Variants in RPS26 observed in about 807,000 individuals in gnomAD.
The protein encoded by RPS26 is small ribosomal subunit protein eS26.
In RPS26, 1 loss-of-function variant was observed where a neutral mutation model predicts 14.7. That is an observed-to-expected ratio of 0.07 (90% confidence interval 0.02 to 0.32). The LOEUF is 0.32. RPS26 is among the 10% of genes least tolerant of loss of function. The pLI is 1.00. For synonymous variants in RPS26, 59 were observed against 53.1 expected, an observed-to-expected ratio of 1.11 and a Z score of -0.48; for missense variants, 63 against 157.7, an observed-to-expected ratio of 0.40 and a Z score of 3.22.
chr12:56,044,059 G>A (rs1895930441), intron 3 of RPS26, 60 bp from the exon 4 acceptor site: 8 of 1,430,970 alleles, frequency 5.6e-6, no homozygotes, highest in African/African-American at 1.4e-5. Context: ...AAGTTCTTTG[G>A]GGGAAGGGAG....
At chr12:56,042,681 T>C in intron 2 of RPS26, 79 bp downstream of exon 2, 1 of 1,240,676 alleles carries the variant, frequency 8.1e-7, no homozygotes, top group South Asian at 1.2e-5. Flanking sequence ...TTTTGGAGGC[T>C]CTGTTCTTTG....
chr12:56,043,701 C>T (rs987183343), intron 3 of RPS26, among the ~76,000 whole-genome samples: 1 of 152,006 alleles, frequency 6.6e-6, no homozygotes, highest in Admixed American at 6.6e-5. Context: ...AGTCTGGCTG[C>T]TCGAGAGGCT....
Position 56,044,526 on chromosome 12 carries a change from T to C in RPS26, c.*372T>C, listed in dbSNP as rs779970338. The stretch of plus-strand genomic sequence containing the variant: ...GCCTGGTTAATTTTTGTATTTTTGG[T>C]AGAGATGGGGTTTCACTATGTTGTC... On this transcript the variant is annotated 3_prime_UTR_variant, in exon 4 of 4. Coordinates refer to ENST00000646449, the MANE Select transcript of RPS26 (RefSeq NM_001029.5). The C allele has an allele frequency of 8.2e-6, 2 of 245,164 alleles. No homozygotes were observed. The highest frequency in any genetic ancestry group is 1.6e-5 in the Non-Finnish European group (2 of 125,458). 15.2% of individuals were successfully genotyped at this position (245,164 alleles called of 1,614,324 possible). A position where few individuals can be genotyped will look rare whatever the true frequency, so the allele number is the denominator to read the frequency against.
chr12:56,042,141 T>A lies in RPS26; in HGVS notation c.-26T>A. 1 of 1,613,870 alleles carries A rather than the reference T, an allele frequency of 6.2e-7. No individual in the cohort carries two copies. Among genetic ancestry groups the A allele is most frequent in the Non-Finnish European group, 8.5e-7 (1 of 1,179,762 alleles). On this transcript the variant is annotated 5_prime_UTR_variant, in exon 1 of 4. Transcript: ENST00000646449. ...TAGGAGGGCCCTGCCAGGCACCGTC[T>A]CCTCTCTCCGGTCCGTGCCTCCAAG...
Position 56,044,365 on chromosome 12 carries a change from T to TTTGG in RPS26, c.*211_*212insTTGG, listed in dbSNP as rs59385427. 1 of 345,386 alleles carries TTTGG rather than the reference T, an allele frequency of 2.9e-6. No homozygotes were observed. Among genetic ancestry groups the TTTGG allele is most frequent in the African/African-American group, 2.8e-5 (1 of 36,350 alleles). 21.4% of individuals were successfully genotyped at this position (345,386 alleles called of 1,614,324 possible). ...TTTTTCTTTTTTTTTTTTTTTTTTT[T>TTTGG]GAGACGGAGTCTTTGTCGCCCAAGC... is the stretch of plus-strand genomic sequence containing the variant. On this transcript the variant is annotated 3_prime_UTR_variant, in exon 4 of 4. Transcript: ENST00000646449.
intron 1 of RPS26, 48 bp downstream of exon 1, chr12:56,042,217 G>A: frequency 6.2e-7 from 1 of 1,612,238 alleles, no homozygotes; most frequent in Non-Finnish European, 8.5e-7. Flanking sequence ...GCAGACTCTG[G>A]GATTGTGGGG....
intron 3 of RPS26, 57 bp downstream of exon 3, chr12:56,043,550 T>C: frequency 1.9e-6 from 3 of 1,595,086 alleles, no homozygotes; most frequent in Non-Finnish European, 2.6e-6. Context: ...AATTTCATCC[T>C]GGAGGGTCAG....
chr12:56,042,335 T>G, intron 1 of RPS26, 90 bp from the exon 2 acceptor site: 2 of 1,540,826 alleles, frequency 1.3e-6, no homozygotes, highest in Non-Finnish European at 9.0e-7. Context: ...GGCGCCTTCC[T>G]GGAGGCTGCC....
chr12:56,043,345 CTA>C lies in RPS26; in HGVS notation c.182-16_182-15del, dbSNP rs1895917542. The C allele has an allele frequency of 2.5e-6, 4 of 1,609,556 alleles. No homozygotes were observed. Among genetic ancestry groups the C allele is most frequent in the African/African-American group, 1.3e-5 (1 of 74,754 alleles). On this transcript the variant is annotated splice_polypyrimidine_tract_variant and intron_variant, in intron 2 of 3. Transcript: ENST00000646449. ...GTAGGTATATAATACCAGTATAACT[CTA>C]TTTTCTATTCCTTAGCCTATGTGCT...
intron 2 of RPS26, chr12:56,042,812 A>C: frequency 1.6e-6 from 1 of 617,506 alleles, no homozygotes; most frequent in Non-Finnish European, 2.9e-6. Context: ...CACAGCCTTT[A>C]CTCTGAGGTA....
intron 2 of RPS26, chr12:56,043,142 A>G: frequency 1.9e-6 from 1 of 523,938 alleles, no homozygotes; most frequent in Non-Finnish European, 3.5e-6. Flanking sequence ...TGTCAAGATG[A>G]ACTCACGTGG....
Position 56,042,130 on chromosome 12 carries a change from C to G in RPS26, c.-37C>G, listed in dbSNP as rs573962436. On this transcript the variant is annotated 5_prime_UTR_variant, in exon 1 of 4. Transcript: ENST00000646449. The stretch of plus-strand genomic sequence containing the variant: ...CTCATGCTATATAGGAGGGCCCTGC[C>G]AGGCACCGTCTCCTCTCTCCGGTCC... 4.3e-6 allele frequency: 7 copies of G among 1,612,778 alleles called. No homozygotes were observed. Among genetic ancestry groups the G allele is most frequent in the African/African-American group, 4.0e-5 (3 of 74,908 alleles).
intron 3 of RPS26, 94 bp downstream of exon 3, chr12:56,043,587 C>G (rs1895921750): frequency 7.9e-7 from 1 of 1,264,178 alleles, no homozygotes. Context: ...AACCTCAACA[C>G]TTTGGGAGGC....
chr12:56,043,046 C>T, intron 2 of RPS26: 2 of 408,266 alleles, frequency 4.9e-6, no homozygotes, highest in East Asian at 5.8e-5. Context: ...GAGCAAGGTT[C>T]AGGGTAGGCA....
intron 3 of RPS26, 33 bp downstream of exon 3, chr12:56,043,526 G>A (rs769491820): frequency 6.2e-7 from 1 of 1,612,854 alleles, no homozygotes. Context: ...GGAAGCCAGG[G>A]GAGTGATGGT....
intron 3 of RPS26, among the ~76,000 whole-genome samples, chr12:56,043,864 G>T (rs867372389): frequency 2.0e-5 from 3 of 151,866 alleles, no homozygotes; most frequent in Admixed American, 1.3e-4. Context: ...TCAAATTAAG[G>T]TCTGTGCCTC....
rs1565845024 is a variant in RPS26 at position 56,042,145 on chromosome 12, C to CCTG, written c.-22_-21insCTG. 13 of 1,613,614 alleles carry CCTG rather than the reference C, an allele frequency of 8.1e-6. No homozygotes were observed. In the East Asian group the frequency reaches 8.9e-5, roughly 11 times the overall value. On this transcript the variant is annotated 5_prime_UTR_variant, in exon 1 of 4. Coordinates refer to ENST00000646449, the MANE Select transcript of RPS26 (RefSeq NM_001029.5). ...AGGGCCCTGCCAGGCACCGTCTCCT[C>CCTG]TCTCCGGTCCGTGCCTCCAAGATGG...
chr12:56,042,219 A>G (rs759332688), intron 1 of RPS26, 50 bp downstream of exon 1: 14 of 1,611,308 alleles, frequency 8.7e-6, no homozygotes, highest in Non-Finnish European at 1.2e-5. Context: ...AGACTCTGGG[A>G]TTGTGGGGAA....
In RPS26 at chr12:56,042,610, G is replaced by C. The variant is rs749285375; in HGVS notation, c.181+8G>C. On this transcript the variant is annotated splice_region_variant and intron_variant, in intron 2 of 3. Coordinates refer to ENST00000646449, the MANE Select transcript of RPS26 (RefSeq NM_001029.5). ...AAGCGAGCGTCTTCGATGGTAAGTG[G>C]GTCACCGGCGCGAACTGTGTGAGGA... 2 of 1,597,576 alleles carry C rather than the reference G, an allele frequency of 1.3e-6. No individual in the cohort carries two copies. Among genetic ancestry groups the C allele is most frequent in the Non-Finnish European group, 1.7e-6 (2 of 1,178,938 alleles).
Sources: gnomAD v4.1 joint callset for allele counts (sites outside exome capture counted in the v4.1 genomes callset) on GRCh38, gnomAD v4.1.1 for gene constraint, MANE v1.5 for transcripts, NCBI Gene and HGNC (gene_info 2026-07-23, HGNC 2026-07-21) for gene names.